PLXNA4: variants seen among roughly 807,000 people sequenced by gnomAD.
The protein encoded by PLXNA4 is plexin A4.
Under a neutral mutation model 191.8 loss-of-function variants are expected in PLXNA4, and 44 were observed. The ratio of observed to expected loss-of-function variants is 0.23; its 90% confidence interval spans 0.18 to 0.29. The LOEUF (loss-of-function observed/expected upper bound fraction) is 0.29. PLXNA4 is among the 10% of genes least tolerant of loss of function. The pLI is 1.00. For missense variants in PLXNA4, 1,800 were observed against 2,488.8 expected (o/e 0.72, Z 5.89); for synonymous variants, 1,082 against 1,009.5 (o/e 1.07, Z -1.36).
chr7:132,361,705 T>G (rs1458017840), intron 3 of PLXNA4, among the ~76,000 whole-genome samples: 1 of 152,200 alleles, frequency 6.6e-6, no homozygotes, highest in Non-Finnish European at 1.5e-5. Flanking sequence ...CCTTGAACAC[T>G]TTGATTAAAG....
intron 3 of PLXNA4, among the ~76,000 whole-genome samples, chr7:132,440,582 A>G (rs984183579): frequency 2.6e-5 from 4 of 152,196 alleles, no homozygotes. Flanking sequence ...GTGTGTTCAT[A>G]ATTCTTCCTG....
intron 3 of PLXNA4, among the ~76,000 whole-genome samples, chr7:132,347,048 A>AT (rs1370424831): frequency 1.3e-5 from 2 of 152,092 alleles, no homozygotes; most frequent in East Asian, 3.9e-4. Context: ...CTCTGATTCC[A>AT]TTTTTTTTCT....
intron 3 of PLXNA4, among the ~76,000 whole-genome samples, chr7:132,313,822 C>A (rs894263330): frequency 6.6e-6 from 1 of 152,104 alleles, no homozygotes; most frequent in African/African-American, 2.4e-5. Flanking sequence ...ATTTAGACGA[C>A]CACCATGGCA....
intron 3 of PLXNA4, chr7:132,383,650 T>C: frequency 1.0e-6 from 1 of 982,484 alleles, no homozygotes; most frequent in Non-Finnish European, 1.2e-6. Context: ...CAAATCTACC[T>C]AACCATTCTC....
intron 2 of PLXNA4, among the ~76,000 whole-genome samples, chr7:132,616,219 C>A (rs115042311): frequency 0.019 from 2,828 of 152,248 alleles, 79 homozygotes; most frequent in African/African-American, 0.064. Context: ...AAGCACGTTG[C>A]CTCTTCGCAG....
intron 3 of PLXNA4, among the ~76,000 whole-genome samples, chr7:132,392,053 G>T (rs948977590): frequency 1.3e-5 from 2 of 152,012 alleles, no homozygotes; most frequent in South Asian, 4.2e-4. Flanking sequence ...ACTCGACCCT[G>T]GGAGGCAGAG....
chr7:132,305,414 C>T (rs987925647), intron 3 of PLXNA4, among the ~76,000 whole-genome samples: 1 of 130,140 alleles, frequency 7.7e-6, no homozygotes, highest in Non-Finnish European at 1.6e-5. Context: ...ACACTCTACT[C>T]TGGGTATCCA....
chr7:132,598,839 C>T (rs769158765), intron 2 of PLXNA4, among the ~76,000 whole-genome samples: 27 of 152,046 alleles, frequency 1.8e-4, no homozygotes, highest in Non-Finnish European at 3.4e-4. Context: ...TTTAAAATTC[C>T]GTTTAAGAAG....
intron 3 of PLXNA4, among the ~76,000 whole-genome samples, chr7:132,301,985 C>A (rs959309161): frequency 1.3e-5 from 2 of 152,166 alleles, no homozygotes; most frequent in Admixed American, 6.5e-5. Flanking sequence ...GACTAGAACC[C>A]AGGTCTCCTG....
At chr7:132,573,204 G>T (rs762978503) in intron 1 of PLXNA4, among the ~76,000 whole-genome samples, 1 of 152,086 alleles carries the variant, frequency 6.6e-6, no homozygotes, top group African/African-American at 2.4e-5. Context: ...CAAATAAGAA[G>T]AGAGGAGACG....
At chr7:132,496,373 G>A (rs1050046685) in intron 2 of PLXNA4, among the ~76,000 whole-genome samples, 1 of 151,918 alleles carries the variant, frequency 6.6e-6, no homozygotes, top group African/African-American at 2.4e-5. Context: ...AATTCCTGGT[G>A]ACAGAAAAAA....
Position 132,202,693 on chromosome 7 carries a change from C to G in PLXNA4, c.2539G>C (p.Glu847Gln). 6.3e-7 allele frequency: 1 copy of G among 1,582,482 alleles called. No individual in the cohort carries two copies. Among genetic ancestry groups the G allele is most frequent in the East Asian group, 2.3e-5 (1 of 43,748 alleles). ...HCPAQESQWLELSGAKSKCTN... is the reference protein window; with the variant it reads ...HCPAQESQWLQLSGAKSKCTN... ...CACTTGCTTTTGGCACCAGACAGCT[C>G]CAGCCACTGGCTCTCCTGGGCAGGG... Residue 847 changes from glutamate to glutamine, a missense_variant, in exon 12 of 32, where the codon GAG becomes CAG. Around this residue, in one of 6 missense-constraint regions of PLXNA4, gnomAD observed 1,397 missense variants for 1,880.4 expected, o/e 0.74. Transcript: ENST00000321063.
chr7:132,622,229 G>A (rs1053403894), intron 2 of PLXNA4, among the ~76,000 whole-genome samples: 12 of 152,150 alleles, frequency 7.9e-5, no homozygotes, highest in African/African-American at 2.9e-4. Flanking sequence ...CACATGTTGA[G>A]GATGGCAGAA....
At chr7:132,183,038 T>C (rs2116751995) in intron 16 of PLXNA4, among the ~76,000 whole-genome samples, 1 of 152,320 alleles carries the variant, frequency 6.6e-6, no homozygotes, top group African/African-American at 2.4e-5. Flanking sequence ...CAAAGGAGCA[T>C]CTTCGAGAAG....
intron 4 of PLXNA4, among the ~76,000 whole-genome samples, chr7:132,260,988 G>A (rs1007118843): frequency 6.6e-5 from 10 of 152,136 alleles, no homozygotes; most frequent in African/African-American, 2.2e-4. Context: ...GGGGTTTATA[G>A]GACCTCTTTC....
chr7:132,325,675 C>T (rs557540268), intron 3 of PLXNA4, among the ~76,000 whole-genome samples: 1 of 152,300 alleles, frequency 6.6e-6, no homozygotes, highest in South Asian at 2.1e-4. Context: ...TACACAGAGC[C>T]TCAAGGAGTG....
At chr7:132,383,917 G>A (rs1805004292) in intron 3 of PLXNA4, 1 of 985,410 alleles carries the variant, frequency 1.0e-6, no homozygotes, top group Non-Finnish European at 1.2e-6. Flanking sequence ...GAACTCCTGG[G>A]ACGTATTTCT....
At chr7:132,415,061 A>G (rs1009910104) in intron 3 of PLXNA4, among the ~76,000 whole-genome samples, 3 of 152,178 alleles carry the variant, frequency 2.0e-5, no homozygotes, top group Non-Finnish European at 2.9e-5. Context: ...TCTGCCCTTC[A>G]AAGTATTCAC....
At chr7:132,153,055 T>G (rs1010111102) in intron 25 of PLXNA4, among the ~76,000 whole-genome samples, 1 of 152,122 alleles carries the variant, frequency 6.6e-6, no homozygotes, top group African/African-American at 2.4e-5. Flanking sequence ...TGAAGACTCC[T>G]TGTGTGGAGA....
Sources: allele counts gnomAD v4.1 joint callset (sites outside exome capture counted in the v4.1 genomes callset), GRCh38; gene constraint gnomAD v4.1.1; regional missense constraint gnomAD v4.1.1; transcripts MANE v1.5; gene names NCBI Gene and HGNC (gene_info 2026-07-23, HGNC 2026-07-21).